The following KCNC4 variants were observed in gnomAD, a reference collection of about 807,000 sequenced individuals.
The protein encoded by KCNC4 is potassium voltage-gated channel subfamily C member 4.
KCNC4 carries 23 observed loss-of-function variants against 42.8 expected under a neutral mutation model. The observed-to-expected ratio is 0.54, with a 90% CI of 0.39 to 0.76. KCNC4 has a LOEUF of 0.76. KCNC4 is among the 30% of genes least tolerant of loss of function. The pLI is 0.00. For synonymous variants in KCNC4, 422 were observed against 393.5 expected (o/e 1.07, Z -0.86); for missense variants, 751 against 898.2 (o/e 0.84, Z 2.10).
chr1:110,263,006 A>G (rs1022486885), intron 1 of KCNC4, among the ~76,000 whole-genome samples: 3 of 152,218 alleles, frequency 2.0e-5, no homozygotes, highest in African/African-American at 7.2e-5. Flanking sequence ...GGAAATGCTC[A>G]TTGGTGACAG....
downstream of KCNC4, among the ~76,000 whole-genome samples, chr1:110,283,597 G>T (rs1199464935): frequency 6.6e-6 from 1 of 152,136 alleles, no homozygotes; most frequent in East Asian, 1.9e-4. Flanking sequence ...ATCTTCAGTT[G>T]CCCTAGGCTT....
exon 4 of KCNC4, chr1:110,243,588 A>C (rs1432795118): frequency 6.5e-6 from 1 of 153,296 alleles, no homozygotes; most frequent in Non-Finnish European, 1.5e-5. Flanking sequence ...GGAAGACTGA[A>C]AGCAGATCTC....
chr1:110,256,015 C>T (rs1269407311), intron 1 of KCNC4, among the ~76,000 whole-genome samples: 1 of 152,188 alleles, frequency 6.6e-6, no homozygotes, highest in Non-Finnish European at 1.5e-5. Flanking sequence ...CTGGCAAACA[C>T]CTAGAACACA....
Position 110,223,872 on chromosome 1 carries a change from A to T in KCNC4, c.1587A>T (p.Glu529Asp). Residue 529 changes from glutamate (E) to aspartate (D), a missense_variant, in exon 2 of 4, where the codon GAA becomes GAT. Around this residue, in one of 4 missense-constraint regions of KCNC4, gnomAD observed 202 missense variants for 181.5 expected, o/e 1.11. Transcript: ENST00000438661. The surrounding 1 kb of genome is among the most constrained non-coding windows in gnomAD (Gnocchi z 7.5). The stretch of plus-strand genomic sequence containing the variant: ...GTGATACCAGCCCCCCTGCCCGGGA[A>T]GAGGGTATGATCGAGAGGAAACGGG... ...TCSDTSPPAR[E>D]EGMIERKRAD... 1.2e-6 allele frequency: 2 copies of T among 1,602,454 alleles called. No individual in the cohort carries two copies. Among genetic ancestry groups the T allele is most frequent in the Non-Finnish European group, 1.7e-6 (2 of 1,172,680 alleles).
rs780976462 is a variant in KCNC4, at chr1:110,226,103, A to G, written c.1744A>G (p.Arg582Gly). Reference sequence around the variant, plus strand: ...CCTGCGACGCTCCACCACTCGAGACAGAAACAAGAAGGCAGCTGCCTGCTT... The same window carrying G: ...CCTGCGACGCTCCACCACTCGAGACGGAAACAAGAAGGCAGCTGCCTGCTT... The part of the protein sequence containing the change: ...RALRRSTTRD[R>G]NKKAAACFLL... The change falls in exon 3 of 4, where the codon AGA (arginine) becomes GGA (glycine). Residue 582 changes from arginine (R) to glycine (G), a missense_variant. Arg to Gly is a moderately radical substitution (Grantham distance 125). Around this residue, in one of 4 missense-constraint regions of KCNC4, gnomAD observed 202 missense variants for 181.5 expected, o/e 1.11. Coordinates refer to ENST00000438661, the MANE Select transcript of KCNC4 (RefSeq NM_001039574.3). 1 of 1,614,052 alleles carries G rather than the reference A, an allele frequency of 6.2e-7. No homozygotes were observed. The highest frequency in any genetic ancestry group is 8.5e-7 in the Non-Finnish European group (1 of 1,179,998).
intron 1 of KCNC4, 84 bp from the exon 2 acceptor site, chr1:110,222,880 C>T (rs1658173792): frequency 3.0e-6 from 3 of 1,000,334 alleles, no homozygotes; most frequent in South Asian, 1.5e-5. Flanking sequence ...TTCCTGGTAA[C>T]CTTCATGCAG....
In KCNC4 at chr1:110,210,482, C is replaced by T. The variant is rs969987420; in HGVS notation, c.-1018C>T. 1.6e-4 allele frequency among the ~76,000 whole-genome samples: 24 copies of T among 151,396 alleles called. No individual in the cohort carries two copies. Among genetic ancestry groups the T allele is most frequent in the African/African-American group, 5.1e-4 (21 of 41,342 alleles). ...CGGAGATGGGCAGACGCGTAGATGG[C>T]GTGGCTCCCAGCGCCGCCAGATCGC... is the stretch of plus-strand genomic sequence containing the variant. On this transcript the variant is annotated 5_prime_UTR_variant, in exon 1 of 4. Coordinates refer to ENST00000438661, the MANE Select transcript of KCNC4 (RefSeq NM_001039574.3).
chr1:110,268,797 G>T (rs112247275), intron 1 of KCNC4, among the ~76,000 whole-genome samples: 1 of 146,186 alleles, frequency 6.8e-6, no homozygotes. Flanking sequence ...GCGCGATCTC[G>T]GCTCACTGCA....
intron 3 of KCNC4, among the ~76,000 whole-genome samples, chr1:110,228,332 G>A (rs1045507300): frequency 1.3e-5 from 2 of 152,150 alleles, no homozygotes; most frequent in Admixed American, 1.3e-4. Flanking sequence ...AAGCTTACCT[G>A]GGGGCAGGAC....
intron 1 of KCNC4, among the ~76,000 whole-genome samples, chr1:110,275,950 G>A (rs12086781): frequency 0.33 from 37,907 of 115,562 alleles, 5,812 homozygotes; most frequent in Admixed American, 0.47. Context: ...AAGAGACTCC[G>A]CCTCAAAAAA....
At chr1:110,257,554 A>C (rs1308506568) in intron 1 of KCNC4, among the ~76,000 whole-genome samples, 1 of 138,372 alleles carries the variant, frequency 7.2e-6, no homozygotes, top group Non-Finnish European at 1.6e-5. Flanking sequence ...TCTCTACTAA[A>C]AATACAAAAA....
At chr1:110,219,193 C>T (rs1657964376) in intron 1 of KCNC4, among the ~76,000 whole-genome samples, 1 of 152,208 alleles carries the variant, frequency 6.6e-6, no homozygotes, top group African/African-American at 2.4e-5. Context: ...TTTTTCACTT[C>T]TAAAAAGCAA....
At chr1:110,257,370 G>C (rs1659352070) in intron 1 of KCNC4, among the ~76,000 whole-genome samples, 1 of 151,406 alleles carries the variant, frequency 6.6e-6, no homozygotes, top group South Asian at 2.1e-4. Context: ...AGTCTTTCCT[G>C]TCTAGTTCTA....
chr1:110,237,873 G>A (rs565700190), downstream of KCNC4: 50 of 152,330 alleles, frequency 3.3e-4, no homozygotes, highest in Admixed American at 4.6e-4. Flanking sequence ...GCCCACCCTC[G>A]TGGGGCTCCT....
rs748215911 is a variant in KCNC4 at position 110,232,829 on chromosome 1, C to A, written c.1820-82C>A. 6 of 1,553,048 alleles carry A rather than the reference C, an allele frequency of 3.9e-6. No homozygotes were observed. The African/African-American group carries it at 8.2e-5, about 21-fold the overall frequency. ...GTTTCTCCCTTTCTTTTGCTGAACT[C>A]CCTGTCCCCCCAACCCCAGAAGGCA... On this transcript the variant is annotated intron_variant, in intron 3 of 3. Coordinates refer to ENST00000438661, the MANE Select transcript of KCNC4 (RefSeq NM_001039574.3).
intron 1 of KCNC4, among the ~76,000 whole-genome samples, chr1:110,257,906 C>A (rs1435351443): frequency 6.6e-6 from 1 of 152,106 alleles, no homozygotes; most frequent in Admixed American, 6.5e-5. Flanking sequence ...ATATTTCAGG[C>A]AGGAAAAGTG....
intron 1 of KCNC4, among the ~76,000 whole-genome samples, chr1:110,279,970 G>T (rs1659792990): frequency 6.6e-6 from 1 of 151,800 alleles, no homozygotes; most frequent in Non-Finnish European, 1.5e-5. Context: ...TGTATTTTTA[G>T]TAGAGACGGG....
At chr1:110,271,885 G>A (rs772264712) in intron 1 of KCNC4, among the ~76,000 whole-genome samples, 1 of 152,022 alleles carries the variant, frequency 6.6e-6, no homozygotes, top group Non-Finnish European at 1.5e-5. Flanking sequence ...AGGAGGCTCC[G>A]TTCACACATG....
intron 1 of KCNC4, among the ~76,000 whole-genome samples, chr1:110,264,910 C>T (rs1659511193): frequency 1.3e-5 from 2 of 151,934 alleles, no homozygotes; most frequent in Admixed American, 1.3e-4. Context: ...GGTGAAACCC[C>T]ATCTCTACTA....
Sources: allele counts gnomAD v4.1 joint callset (sites outside exome capture counted in the v4.1 genomes callset), GRCh38; gene constraint gnomAD v4.1.1; regional missense constraint gnomAD v4.1.1; non-coding constraint Gnocchi (gnomAD v3.1); transcripts MANE v1.5; gene names NCBI Gene and HGNC (gene_info 2026-07-23, HGNC 2026-07-21).